MAP4K1: variants seen among roughly 807,000 people sequenced by gnomAD.
MAP4K1 encodes the protein MAPK/ERK kinase kinase kinase 1.
A neutral mutation model predicts 122.8 loss-of-function variants in MAP4K1; 35 were observed. That is an observed-to-expected ratio of 0.29 (90% CI 0.22 to 0.38). MAP4K1 has a LOEUF of 0.38. Ranked by LOEUF, MAP4K1 falls within the 10% of genes least tolerant of loss-of-function variation. The pLI, the probability that MAP4K1 is intolerant of heterozygous loss-of-function variation, is 1.00. For missense variants in MAP4K1, 791 were observed against 1,072.6 expected, an observed-to-expected ratio of 0.74 and a Z score of 3.67; for synonymous variants, 412 against 421.3, an observed-to-expected ratio of 0.98 and a Z score of 0.27.
At position 38,617,770 on chromosome 19, in the gene MAP4K1, G is replaced by A. The variant is rs755420964; in HGVS notation, c.99+27C>T. 1.2e-6 allele frequency: 2 copies of A among 1,612,086 alleles called. No homozygotes were observed. The highest frequency in any genetic ancestry group is 2.2e-5 in the East Asian group (1 of 44,886). On this transcript the variant is annotated intron_variant, in intron 1 of 30. Transcript: ENST00000396857. This position sits in a 1 kb window ranked among gnomAD's most constrained non-coding sequence, Gnocchi z 4.1. ...TGCCTTAAAGGTCACTGGTTGTAGGGTGTTGGGGACAGAGGGGCTTCCTCA... is the reference window on the plus strand; with the variant it reads ...TGCCTTAAAGGTCACTGGTTGTAGGATGTTGGGGACAGAGGGGCTTCCTCA...
Position 38,611,089 on chromosome 19 carries a change from T to G in MAP4K1, c.772A>C (p.Ser258Arg). Residue 258 changes from serine to arginine, a missense_variant, in exon 11 of 31, where the codon AGT becomes CGT. This residue lies in a region of MAP4K1 where 303 missense variants were observed against 344.8 expected (regional missense o/e 0.88). Transcript: ENST00000396857. ...HNFIKVTLTK[S>R]PKKRPSATKM... ...GTGGCGCTGGGTCGTTTCTTGGGAC[T>G]CTTAGTCAGAGTGACTTTGATGAAG... 2 of 1,613,472 alleles carry G rather than the reference T, an allele frequency of 1.2e-6. No individual in the cohort carries two copies. The highest frequency in any genetic ancestry group is 1.7e-6 in the Non-Finnish European group (2 of 1,179,826).
chr19:38,603,062 ATACACATATACATATATACACATG>A (rs1175387326), intron 19 of MAP4K1, among the ~76,000 whole-genome samples: 1 of 135,586 alleles, frequency 7.4e-6, no homozygotes, highest in African/African-American at 3.0e-5. Flanking sequence ...GCATATACAT[ATACACATATACATATATACACATG>A]TACATATATA....
Position 38,617,464 on chromosome 19 carries a change from G to C in MAP4K1, c.158-20C>G. The C allele has an allele frequency of 6.2e-7, 1 of 1,603,666 alleles. No individual in the cohort carries two copies. The highest frequency in any genetic ancestry group is 1.1e-5 in the South Asian group (1 of 90,884). ...CATCATCTGTGAGGAGGGCGGGAGA[G>C]AAAAGGCAGCTCGCATGGGGAGAGA... On this transcript the variant is annotated intron_variant, in intron 2 of 30. Coordinates refer to ENST00000396857, the MANE Select transcript of MAP4K1 (RefSeq NM_001042600.3). The surrounding 1 kb of genome is among the most constrained non-coding windows in gnomAD (Gnocchi z 4.1).
At chr19:38,614,146 C>G (rs1181844486) in intron 6 of MAP4K1, 61 bp from the exon 7 acceptor site, 2 of 1,610,992 alleles carry the variant, frequency 1.2e-6, no homozygotes, top group African/African-American at 1.3e-5. Flanking sequence ...TGCTAGCCCA[C>G]TCCGCCAGCT....
chr19:38,614,363 C>A (rs766537667), intron 5 of MAP4K1, 27 bp downstream of exon 5: 2 of 1,610,148 alleles, frequency 1.2e-6, no homozygotes, highest in African/African-American at 1.3e-5. Flanking sequence ...CCCCTCCCAT[C>A]CCCAGAATCC....
intron 19 of MAP4K1, among the ~76,000 whole-genome samples, 193 bp downstream of exon 19, chr19:38,605,216 A>T (rs1975288173): frequency 6.6e-6 from 1 of 152,074 alleles, no homozygotes; most frequent in African/African-American, 2.4e-5. Context: ...AATGGGGGAT[A>T]ACATCTCTGT....
rs1229760570 is a variant in MAP4K1 at position 38,608,166 on chromosome 19, C to T, written c.1011G>A (p.Arg337=). The T allele has an allele frequency of 1.3e-6, 2 of 1,517,656 alleles. No individual in the cohort carries two copies. Among genetic ancestry groups the T allele is most frequent in the East Asian group, 2.3e-5 (1 of 43,564 alleles). 94.0% of individuals were successfully genotyped at this position (1,517,656 alleles called of 1,614,324 possible). The change falls in exon 14 of 31, where the codon CGG becomes CGA. Residue 337 remains arginine (R), a synonymous_variant. Coordinates refer to ENST00000396857, the MANE Select transcript of MAP4K1 (RefSeq NM_001042600.3). The stretch of plus-strand genomic sequence containing the variant: ...CTCGGAGCTTCCTGAACTCCATGTG[C>T]CGCCCTAGGGTGGGTGGGGGAAGAT... ...LGIPDADCCR[R]HMEFRKLRGM...
In MAP4K1 at chr19:38,613,896, T is replaced by G; in HGVS notation, c.517A>C (p.Ile173Leu). Residue 173 changes from isoleucine to leucine, a missense_variant, in exon 8 of 31, where the codon ATT becomes CTT. By Grantham distance (5) the Ile-to-Leu change is conservative (BLOSUM62 2). This residue lies in a region of MAP4K1 where 163 missense variants were observed against 286.1 expected (regional missense o/e 0.57). Transcript: ENST00000396857. Reference sequence around the variant, plus strand: ...GCCACTCACCAGTAGGGTGTCCCAATGAAAGAGAGGCGTCTGGCCAGTGTA... The same window carrying G: ...GCCACTCACCAGTAGGGTGTCCCAAGGAAAGAGAGGCGTCTGGCCAGTGTA... ...GATLARRLSF[I>L]GTPYWMAPEV... 6.2e-7 allele frequency: 1 copy of G among 1,611,588 alleles called. No individual in the cohort carries two copies. Among genetic ancestry groups the G allele is most frequent in the Non-Finnish European group, 8.5e-7 (1 of 1,179,054 alleles).
At chr19:38,588,775 C>T (rs1974610906) in intron 30 of MAP4K1, among the ~76,000 whole-genome samples, 2 of 151,130 alleles carry the variant, frequency 1.3e-5, no homozygotes, top group Admixed American at 1.3e-4. Flanking sequence ...AAAATTTATC[C>T]AGGCATGGTG....
intron 19 of MAP4K1, among the ~76,000 whole-genome samples, chr19:38,603,002 A>T (rs558744345): frequency 2.0e-5 from 3 of 147,236 alleles, no homozygotes; most frequent in African/African-American, 7.4e-5. Flanking sequence ...ATACATATAC[A>T]TATATACACA....
chr19:38,608,233 T>A, intron 13 of MAP4K1, 63 bp from the exon 14 acceptor site: 1 of 719,514 alleles, frequency 1.4e-6, no homozygotes, highest in Non-Finnish European at 2.2e-6. Context: ...GAGATGGGTT[T>A]AAGAACAGAA....
rs1393114136 is a variant in MAP4K1 at position 38,612,623 on chromosome 19, A to G, written c.653T>C (p.Val218Ala). Reference protein sequence around the residue: ...LAELQPPLFDVHPLRVLFLMT... With the variant: ...LAELQPPLFDAHPLRVLFLMT... ...CACGCCTGCCTACCTGAGAGGGTGCACATCAAAGAGCGGTGGCTGTAGCTC... is the reference window on the plus strand; with the variant it reads ...CACGCCTGCCTACCTGAGAGGGTGCGCATCAAAGAGCGGTGGCTGTAGCTC... The change falls in exon 9 of 31, where the codon GTG (valine) becomes GCG (alanine). Residue 218 changes from valine to alanine, a missense_variant. Val to Ala is a moderately conservative substitution (Grantham distance 64). This residue lies in a region of MAP4K1 where 163 missense variants were observed against 286.1 expected (regional missense o/e 0.57). Coordinates refer to ENST00000396857, the MANE Select transcript of MAP4K1 (RefSeq NM_001042600.3). 6.2e-7 allele frequency: 1 copy of G among 1,613,144 alleles called. No individual in the cohort carries two copies. Among genetic ancestry groups the G allele is most frequent in the Admixed American group, 1.7e-5 (1 of 59,994 alleles).
intron 19 of MAP4K1, among the ~76,000 whole-genome samples, chr19:38,602,801 CATAT>C (rs1445139333): frequency 8.7e-6 from 1 of 114,644 alleles, no homozygotes; most frequent in Non-Finnish European, 1.7e-5. Context: ...TACACACATA[CATAT>C]ATACATATAT....
intron 19 of MAP4K1, 125 bp downstream of exon 19, chr19:38,605,284 G>A: frequency 1.4e-6 from 1 of 703,504 alleles, no homozygotes; most frequent in Non-Finnish European, 2.5e-6. Flanking sequence ...ATAAGTGTAG[G>A]GCACAGAGAA....
chr19:38,606,290 C>G, intron 16 of MAP4K1, 75 bp from the exon 17 acceptor site: 1 of 723,108 alleles, frequency 1.4e-6, no homozygotes, highest in Admixed American at 2.9e-5. Flanking sequence ...TGGTTCTGGG[C>G]TGGAGGCCCG....
At chr19:38,616,138 G>T in intron 4 of MAP4K1, 57 bp downstream of exon 4, 3 of 1,382,316 alleles carry the variant, frequency 2.2e-6, no homozygotes, top group Non-Finnish European at 2.0e-6. Context: ...AATTTGGGTC[G>T]GGGTTGGGGG....
chr19:38,602,732 GTATACATATATACACA>G (rs1975128765), intron 19 of MAP4K1, among the ~76,000 whole-genome samples: 1 of 75,460 alleles, frequency 1.3e-5, no homozygotes, highest in Admixed American at 1.2e-4. Context: ...ACATATACAT[GTATACATATATACACA>G]TGTACATATA....
At chr19:38,589,278 G>C (rs1286077733) in intron 30 of MAP4K1, 2 of 258,794 alleles carry the variant, frequency 7.7e-6, no homozygotes, top group Non-Finnish European at 1.6e-5. Context: ...ACTCCAGCCT[G>C]GGGGACAGAG....
At chr19:38,605,273 G>C (rs1019101205) in intron 19 of MAP4K1, 136 bp downstream of exon 19, 4 of 653,742 alleles carry the variant, frequency 6.1e-6, no homozygotes, top group Non-Finnish European at 1.1e-5. Context: ...AATGATAGGA[G>C]ATAAGTGTAG....
Sources: gnomAD v4.1 joint callset for allele counts (sites outside exome capture counted in the v4.1 genomes callset) on GRCh38, gnomAD v4.1.1 for gene constraint, gnomAD v4.1.1 regional missense constraint, Gnocchi (gnomAD v3.1) non-coding constraint, MANE v1.5 for transcripts, NCBI Gene and HGNC (gene_info 2026-07-23, HGNC 2026-07-21) for gene names.